The following MDN1 variants were observed in gnomAD, a reference collection of about 807,000 sequenced individuals.
The protein encoded by MDN1 is midasin.
Under a neutral mutation model 669.2 loss-of-function variants are expected in MDN1, and 266 were observed. The observed-to-expected ratio is 0.40, with a 90% CI of 0.36 to 0.44. The LOEUF (loss-of-function observed/expected upper bound fraction) is 0.44, where lower values mean the gene tolerates loss of function less well. MDN1 is among the 20% of genes least tolerant of loss of function. MDN1 has a pLI of 1.00. For missense variants in MDN1, 5,940 were observed against 6,754.0 expected (o/e 0.88, Z 4.22); for synonymous variants, 2,385 against 2,457.1 (o/e 0.97, Z 0.87).
chr6:89,656,631 G>A, intron 91 of MDN1, 69 bp downstream of exon 91: 34 of 904,494 alleles, frequency 3.8e-5, no homozygotes, highest in South Asian at 1.0e-4. Context: ...TTTTTTTAAA[G>A]CACTACGTTT....
At chr6:89,796,351 CA>C (rs1201094734) in intron 2 of MDN1, among the ~76,000 whole-genome samples, 48 of 71,568 alleles carry the variant, frequency 6.7e-4, no homozygotes, top group Middle Eastern at 0.016. Context: ...AAAAAAAAAA[CA>C]AAAAAAAAAA....
chr6:89,702,130 AGT>A, intron 53 of MDN1, 69 bp from the exon 54 acceptor site: 1 of 1,478,048 alleles, frequency 6.8e-7, no homozygotes, highest in Non-Finnish European at 9.1e-7. Flanking sequence ...ATAAAAACAA[AGT>A]GAACCAAGAC....
chr6:89,658,283 C>A lies in MDN1; in HGVS notation c.15109G>T (p.Gly5037Cys), dbSNP rs771559557. ...RKEHASCGQT[G>C]VENMQNTQAM... The stretch of plus-strand genomic sequence containing the variant: ...TGTGTGTTCTGCATGTTCTCCACAC[C>A]AGTCTGCCCACAGGAGGCATGCTCC... Residue 5037 changes from glycine to cysteine, a missense_variant, in exon 90 of 102, where the codon GGT (glycine) becomes TGT (cysteine). Transcript: ENST00000369393. The A allele has an allele frequency of 1.5e-5, 24 of 1,614,204 alleles. No individual in the cohort carries two copies. In the East Asian group the frequency reaches 5.1e-4, roughly 34 times the overall value.
rs1396654005 is a variant in MDN1, at chr6:89,690,729, T to C, written c.10693A>G (p.Ser3565Gly). The C allele has an allele frequency of 1.2e-6, 2 of 1,614,138 alleles. No individual in the cohort carries two copies. The highest frequency in any genetic ancestry group is 1.7e-6 in the Non-Finnish European group (2 of 1,180,006). The change falls in exon 64 of 102, where the codon AGT (serine) becomes GGT (glycine). Residue 3565 changes from serine (S) to glycine (G), a missense_variant. By Grantham distance (56) the Ser-to-Gly change is moderately conservative. Around this residue, in one of 5 missense-constraint regions of MDN1, gnomAD observed 2,280 missense variants for 2,576.3 expected, o/e 0.88. Coordinates refer to ENST00000369393, the MANE Select transcript of MDN1 (RefSeq NM_014611.3). ...YRSRNSRTALSEEEEEEREFR... is the reference protein window; with the variant it reads ...YRSRNSRTALGEEEEEEREFR... ...TCCCGTTCTTCCTCCTCCTCTTCAC[T>C]CAGGGCTGTCCTAGAGTTCCTGCTC...
chr6:89,675,406 C>G, intron 78 of MDN1, 58 bp downstream of exon 78: 1 of 1,444,390 alleles, frequency 6.9e-7, no homozygotes, highest in South Asian at 1.2e-5. Flanking sequence ...CAACTCTGAG[C>G]TGACTTGGAT....
chr6:89,672,089 T>C (rs1395991995), intron 82 of MDN1, 111 bp downstream of exon 82: 4 of 1,101,334 alleles, frequency 3.6e-6, no homozygotes, highest in Non-Finnish European at 3.7e-6. Flanking sequence ...TTAGTGATTT[T>C]GGCACTGAGG....
Position 89,738,296 on chromosome 6 carries a change from A to G in MDN1, c.4723+30T>C, listed in dbSNP as rs370700397. 3.7e-6 allele frequency: 6 copies of G among 1,611,340 alleles called. No homozygotes were observed. In the East Asian group the frequency reaches 6.7e-5, roughly 18 times the overall value. On this transcript the variant is annotated intron_variant, in intron 33 of 101. Transcript: ENST00000369393. ...CCAACACAAACCCTTCTATGACCCA[A>G]TACTACCATCACCACCTGCAAACTC...
At chr6:89,686,000 A>G (rs369959907) in intron 69 of MDN1, 27 bp from the exon 70 acceptor site, 92 of 1,606,444 alleles carry the variant, frequency 5.7e-5, no homozygotes, top group Admixed American at 1.5e-4. Context: ...AGAAAAATAT[A>G]TATGTTCCTT....
chr6:89,810,715 G>A (rs1339621242), intron 1 of MDN1, among the ~76,000 whole-genome samples: 2 of 151,880 alleles, frequency 1.3e-5, no homozygotes, highest in African/African-American at 4.8e-5. Flanking sequence ...CAGTCATATT[G>A]TGCTGGGTGT....
rs1444725886 is a variant in MDN1, at chr6:89,772,643, C to G, written c.2013G>C (p.Glu671Asp). ...CGGTCTCTCCCACCAGCAACACAGG[C>G]TCCCCTTTGCTGACACACACTGCAA... The part of the protein sequence containing the change: ...EQLAVCVSKG[E>D]PVLLVGETGT... Residue 671 changes from glutamate to aspartate, a missense_variant, in exon 14 of 102, where the codon GAG becomes GAC. Around this residue, in one of 5 missense-constraint regions of MDN1, gnomAD observed 1,203 missense variants for 1,268.9 expected, o/e 0.95. Transcript: ENST00000369393. 3 of 1,614,128 alleles carry G rather than the reference C, an allele frequency of 1.9e-6. No homozygotes were observed. The highest frequency in any genetic ancestry group is 2.5e-6 in the Non-Finnish European group (3 of 1,180,022).
intron 27 of MDN1, among the ~76,000 whole-genome samples, chr6:89,746,608 A>AG (rs1562172867): frequency 3.9e-4 from 45 of 114,866 alleles, no homozygotes; most frequent in African/African-American, 1.4e-3. Flanking sequence ...AAAAAAAAAA[A>AG]AAAAAAGAAA....
chr6:89,700,390 G>GAGCTAATCAGAGTTAAGCTCCTTAACCTA (rs1208049842), intron 56 of MDN1, 96 bp from the exon 57 acceptor site: 2 of 963,194 alleles, frequency 2.1e-6, no homozygotes, highest in African/African-American at 3.2e-5. Flanking sequence ...AGCTTAACTT[G>GAGCTAATCAGAGTTAAGCTCCTTAACCTA]AGCTAATCAG....
chr6:89,747,264 T>G (rs1317915008), intron 27 of MDN1, 65 bp downstream of exon 27: 7 of 1,558,702 alleles, frequency 4.5e-6, no homozygotes, highest in African/African-American at 1.4e-5. Flanking sequence ...AGGCAAGATT[T>G]GTTTTAATAA....
chr6:89,801,431 T>C (rs1404821082), intron 2 of MDN1, among the ~76,000 whole-genome samples: 1 of 151,588 alleles, frequency 6.6e-6, no homozygotes, highest in African/African-American at 2.4e-5. Context: ...GGTAGGCAGA[T>C]CACGAGGTCA....
chr6:89,792,945 G>C (rs901221320), intron 5 of MDN1, among the ~76,000 whole-genome samples: 6 of 152,174 alleles, frequency 3.9e-5, no homozygotes, highest in African/African-American at 1.4e-4. Context: ...CTTGAACCTG[G>C]GAGGGGGGAG....
At chr6:89,709,445 G>A (rs1813735668) in intron 50 of MDN1, among the ~76,000 whole-genome samples, 1 of 152,166 alleles carries the variant, frequency 6.6e-6, no homozygotes, top group African/African-American at 2.4e-5. Flanking sequence ...GACAAGCGAT[G>A]CCTGCTGAAA....
chr6:89,814,797 G>A, intron 1 of MDN1: 1 of 451,468 alleles, frequency 2.2e-6, no homozygotes, highest in Non-Finnish European at 4.5e-6. Context: ...ATCTCCGCCA[G>A]GGCCCTGGGT....
intron 70 of MDN1, 118 bp downstream of exon 70, chr6:89,685,709 C>T: frequency 2.7e-6 from 3 of 1,097,232 alleles, no homozygotes; most frequent in Non-Finnish European, 3.8e-6. Flanking sequence ...TTAAACATAA[C>T]TAAATGTGTC....
intron 88 of MDN1, among the ~76,000 whole-genome samples, chr6:89,661,089 C>T (rs1431760231): frequency 5.9e-5 from 9 of 152,192 alleles, no homozygotes; most frequent in Non-Finnish European, 1.3e-4. Flanking sequence ...GCTTGGTATA[C>T]CCAGACTGCA....
Sources: gnomAD v4.1 joint callset for allele counts (sites outside exome capture counted in the v4.1 genomes callset) on GRCh38, gnomAD v4.1.1 for gene constraint, gnomAD v4.1.1 regional missense constraint, MANE v1.5 for transcripts, NCBI Gene and HGNC (gene_info 2026-07-23, HGNC 2026-07-21) for gene names.